Variants in CDH19 observed in about 807,000 individuals in gnomAD.
The protein encoded by CDH19 is cadherin 19, also known as cadherin-19.
Under a neutral mutation model 64.2 loss-of-function variants are expected in CDH19, and 67 were observed. That is an observed-to-expected ratio of 1.04 (90% confidence interval 0.86 to 1.28). The LOEUF (loss-of-function observed/expected upper bound fraction) is 1.28, where lower values mean the gene tolerates loss of function less well. CDH19 is among the 50% of genes most tolerant of loss of function. CDH19 has a pLI of 0.00. For synonymous variants in CDH19, 346 were observed against 319.3 expected, an observed-to-expected ratio of 1.08 and a Z score of -0.89; for missense variants, 1,030 against 929.0, an observed-to-expected ratio of 1.11 and a Z score of -1.41.
In CDH19 at chr18:66,551,214, C is replaced by T. The variant is rs768655385; in HGVS notation, c.655G>A (p.Glu219Lys). Residue 219 changes from glutamate (E) to lysine (K), a missense_variant, in exon 5 of 12, where the codon GAG (glutamate) becomes AAG (lysine). Physicochemically the swap from Glu to Lys is moderately conservative, Grantham distance 56. Coordinates refer to ENST00000262150, the MANE Select transcript of CDH19 (RefSeq NM_021153.4). Reference protein sequence around the residue: ...SSKMDRELQDEYWVIIQAKDM... With the variant: ...SSKMDRELQDKYWVIIQAKDM... ...TTGGCTTGAATGATTACCCAATACTCATCTTGCAGTTCTCTATCCATTTTA... is the reference window on the plus strand; with the variant it reads ...TTGGCTTGAATGATTACCCAATACTTATCTTGCAGTTCTCTATCCATTTTA... 1 of 1,570,032 alleles carries T rather than the reference C, an allele frequency of 6.4e-7. No individual in the cohort carries two copies. The highest frequency in any genetic ancestry group is 1.7e-5 in the Admixed American group (1 of 59,854).
At chr18:66,516,130 T>C (rs1985726316) in intron 9 of CDH19, among the ~76,000 whole-genome samples, 1 of 151,940 alleles carries the variant, frequency 6.6e-6, no homozygotes, top group African/African-American at 2.4e-5. Context: ...GGATACATCG[T>C]GGACATATTA....
chr18:66,574,211 T>C (rs1988197339), intron 1 of CDH19, among the ~76,000 whole-genome samples: 1 of 151,670 alleles, frequency 6.6e-6, no homozygotes, highest in Admixed American at 6.6e-5. Flanking sequence ...TGTATCACTG[T>C]TGTGTGATTC....
rs568252558 is a variant in CDH19 at position 66,545,282 on chromosome 18, T to C, written c.776-379A>G. On this transcript the variant is annotated intron_variant, in intron 5 of 11. Coordinates refer to ENST00000262150, the MANE Select transcript of CDH19 (RefSeq NM_021153.4). ...TGTGAGCCACCGTGCCGGGTCGCAA[T>C]TGTAGCATTCTTTATTTTTGATCTG... 4.6e-5 allele frequency among the ~76,000 whole-genome samples: 7 copies of C among 152,152 alleles called. No individual in the cohort carries two copies. In the South Asian group the frequency reaches 6.2e-4, roughly 14 times the overall value.
chr18:66,534,681 C>T (rs750238066), intron 8 of CDH19, among the ~76,000 whole-genome samples: 2 of 151,674 alleles, frequency 1.3e-5, no homozygotes, highest in Non-Finnish European at 2.9e-5. Flanking sequence ...AACCCGAAAA[C>T]GAAATCATCC....
intron 1 of CDH19, among the ~76,000 whole-genome samples, chr18:66,584,547 G>C (rs1273864099): frequency 2.0e-5 from 3 of 151,978 alleles, no homozygotes; most frequent in Non-Finnish European, 2.9e-5. Context: ...CTATCATAAT[G>C]ACACATGCAT....
chr18:66,525,372 T>C (rs1986181842), intron 9 of CDH19, among the ~76,000 whole-genome samples: 1 of 152,156 alleles, frequency 6.6e-6, no homozygotes. Context: ...AGAGATTGCT[T>C]CATTGGTTTT....
chr18:66,569,255 A>T (rs1256750980), intron 2 of CDH19, among the ~76,000 whole-genome samples: 1 of 151,734 alleles, frequency 6.6e-6, no homozygotes, highest in Non-Finnish European at 1.5e-5. Context: ...GCTTTATATT[A>T]GTGTTCTCAA....
chr18:66,545,374 TCTTTCTCTTTTTC>T (rs1987071882), intron 5 of CDH19, among the ~76,000 whole-genome samples: 1 of 151,820 alleles, frequency 6.6e-6, no homozygotes, highest in Non-Finnish European at 1.5e-5. Flanking sequence ...TTCTCTTTTT[TCTTTCTCTTTTTC>T]CTTTCTTTCT....
chr18:66,507,840 T>C (rs1012850959), intron 11 of CDH19, among the ~76,000 whole-genome samples: 8 of 151,946 alleles, frequency 5.3e-5, no homozygotes, highest in Non-Finnish European at 7.4e-5. Flanking sequence ...ATGTCTGATA[T>C]ATGTATACAT....
At chr18:66,522,009 C>A (rs974501984) in intron 9 of CDH19, among the ~76,000 whole-genome samples, 2 of 150,258 alleles carry the variant, frequency 1.3e-5, no homozygotes, top group African/African-American at 2.4e-5. Flanking sequence ...TGCAGTGGCG[C>A]GATCTCGGCT....
chr18:66,546,433 A>G (rs1462322924), intron 5 of CDH19, among the ~76,000 whole-genome samples: 1 of 152,192 alleles, frequency 6.6e-6, no homozygotes, highest in African/African-American at 2.4e-5. Flanking sequence ...TTAAGACTTA[A>G]ATGTTATTGA....
intron 1 of CDH19, among the ~76,000 whole-genome samples, chr18:66,600,735 A>G (rs1031668784): frequency 6.6e-6 from 1 of 151,918 alleles, no homozygotes; most frequent in Non-Finnish European, 1.5e-5. Context: ...GTAGCCAGGT[A>G]CACATATGTG....
In CDH19 at chr18:66,589,461, C is replaced by G. The variant is rs1313632649; in HGVS notation, c.-113+14493G>C. 2.0e-5 allele frequency among the ~76,000 whole-genome samples: 3 copies of G among 151,666 alleles called. No individual in the cohort carries two copies. The East Asian group carries it at 5.8e-4, about 29-fold the overall frequency. ...CCACTGCTTAGTATAGTAAATAAAC[C>G]ATTGTATTCAATTTGACAGTTTTTG... On this transcript the variant is annotated intron_variant, in intron 1 of 11. Coordinates refer to ENST00000262150, the MANE Select transcript of CDH19 (RefSeq NM_021153.4).
chr18:66,505,234 C>A lies in CDH19; in HGVS notation c.1897G>T (p.Asp633Tyr). The change falls in exon 12 of 12, where the codon GAT becomes TAT. Residue 633 changes from aspartate (D) to tyrosine (Y), a missense_variant. Transcript: ENST00000262150. The part of the protein sequence containing the change: ...KQILFPEKSE[D>Y]FRENIFQYDD... ...TATTGGAATATATTCTCTCTGAAAT[C>A]TTCACTTTTCTCAGGAAATAGAATC... 6.2e-7 allele frequency: 1 copy of A among 1,601,848 alleles called. No homozygotes were observed. The highest frequency in any genetic ancestry group is 8.5e-7 in the Non-Finnish European group (1 of 1,176,336).
At chr18:66,505,816 T>C (rs1185300969) in intron 11 of CDH19, among the ~76,000 whole-genome samples, 2 of 151,796 alleles carry the variant, frequency 1.3e-5, no homozygotes, top group African/African-American at 4.8e-5. Flanking sequence ...GTATTGACTA[T>C]GAAGCATACA....
At chr18:66,563,458 G>T (rs1316146506) in intron 3 of CDH19, among the ~76,000 whole-genome samples, 1 of 151,854 alleles carries the variant, frequency 6.6e-6, no homozygotes, top group Non-Finnish European at 1.5e-5. Flanking sequence ...GAGATGTTGG[G>T]TTGTATAATT....
intron 9 of CDH19, among the ~76,000 whole-genome samples, chr18:66,527,108 T>C (rs573740718): frequency 6.6e-5 from 10 of 151,334 alleles, no homozygotes; most frequent in Middle Eastern, 3.4e-3. Flanking sequence ...GCTTAAATAT[T>C]GAATGAATTA....
At chr18:66,580,475 A>C (rs1988391356) in intron 1 of CDH19, among the ~76,000 whole-genome samples, 1 of 152,126 alleles carries the variant, frequency 6.6e-6, no homozygotes, top group Non-Finnish European at 1.5e-5. Context: ...TAAGTTAGTA[A>C]GTCTAGGCAG....
chr18:66,543,847 T>C, intron 7 of CDH19, 124 bp downstream of exon 7: 1 of 695,136 alleles, frequency 1.4e-6, no homozygotes, highest in Middle Eastern at 4.1e-4. Flanking sequence ...TGCGCCACTG[T>C]ACTCGAGCCT....
Sources: allele counts gnomAD v4.1 joint callset (sites outside exome capture counted in the v4.1 genomes callset), GRCh38; gene constraint gnomAD v4.1.1; transcripts MANE v1.5; gene names NCBI Gene and HGNC (gene_info 2026-07-23, HGNC 2026-07-21).